DEFB110: variants seen among roughly 807,000 people sequenced by gnomAD.
The protein encoded by DEFB110 is defensin beta 110.
A neutral mutation model predicts 2.5 loss-of-function variants in DEFB110; 4 were observed. The observed-to-expected ratio is 1.60, with a 90% CI of 0.79 to 3.66. The LOEUF (loss-of-function observed/expected upper bound fraction) is 3.66, where lower values mean the gene tolerates loss of function less well. DEFB110 is among the 30% of genes most tolerant of loss of function. The pLI is 0.01. For synonymous variants in DEFB110, 29 were observed against 21.8 expected, an observed-to-expected ratio of 1.33 and a Z score of -0.92; for missense variants, 94 against 75.4, an observed-to-expected ratio of 1.25 and a Z score of -0.91.
At chr6:50,011,155 C>T (rs114109151) in intron 1 of DEFB110, among the ~76,000 whole-genome samples, 61 of 150,734 alleles carry the variant, frequency 4.0e-4, no homozygotes, top group Non-Finnish European at 7.2e-4. Flanking sequence ...AAAATTGATA[C>T]GTATCAATTT....
In DEFB110 at chr6:50,018,945, T is replaced by C. The variant is rs1774366114; in HGVS notation, c.*32A>G. 1.3e-6 allele frequency: 2 copies of C among 1,595,464 alleles called. No individual in the cohort carries two copies. Reference sequence around the variant, plus strand: ...AACTTAATAACGCTGGTCTCTCTTCTTGGAGCTTGTGACTCTTTTCTTCTG... The same window carrying C: ...AACTTAATAACGCTGGTCTCTCTTCCTGGAGCTTGTGACTCTTTTCTTCTG... On this transcript the variant is annotated 3_prime_UTR_variant, in exon 2 of 2. Coordinates refer to ENST00000371148, the MANE Select transcript of DEFB110 (RefSeq NM_001037497.2).
chr6:50,018,913 C>A lies in DEFB110; in HGVS notation c.*64G>T. On this transcript the variant is annotated 3_prime_UTR_variant, in exon 2 of 2. Coordinates refer to ENST00000371148, the MANE Select transcript of DEFB110 (RefSeq NM_001037497.2). ...AGACACACACGCCTTGAAGGATGTG[C>A]TGGGAAAACTTAATAACGCTGGTCT... The A allele has an allele frequency of 6.5e-7, 1 of 1,538,646 alleles. No homozygotes were observed. The highest frequency in any genetic ancestry group is 2.1e-5 in the Admixed American group (1 of 48,156).
chr6:50,019,546 G>A (rs1312023688), intron 1 of DEFB110, among the ~76,000 whole-genome samples: 2 of 151,932 alleles, frequency 1.3e-5, no homozygotes, highest in South Asian at 2.1e-4. Context: ...GCTTGATTTT[G>A]CTTCTCTAAA....
At chr6:50,021,832 G>A (rs781583271) in intron 1 of DEFB110, 49 bp downstream of exon 1, 7 of 1,480,946 alleles carry the variant, frequency 4.7e-6, no homozygotes, top group African/African-American at 1.5e-5. Context: ...AACAACTTAT[G>A]TCTTCTCAAA....
chr6:50,019,975 G>T (rs541998867), intron 1 of DEFB110, among the ~76,000 whole-genome samples: 1 of 151,872 alleles, frequency 6.6e-6, no homozygotes, highest in Non-Finnish European at 1.5e-5. Flanking sequence ...GAGATCATAG[G>T]GTTCATAAAA....
Position 50,009,630 on chromosome 6 carries a change from C to G in DEFB110, c.56-359G>C, listed in dbSNP as rs181158810. 3.2e-4 allele frequency among the ~76,000 whole-genome samples: 48 copies of G among 152,086 alleles called. No homozygotes were observed. The East Asian group carries it at 7.7e-3, about 24-fold the overall frequency. On this transcript the variant is annotated intron_variant, in intron 1 of 1. Coordinates refer to the DEFB110 transcript ENST00000393660. ...TTGTTATTGCAGCCAAAATATCAGC[C>G]CTTCTATAATAGTTATAATTTATTT...
intron 1 of DEFB110, among the ~76,000 whole-genome samples, chr6:50,021,242 C>T (rs1645681184): frequency 6.6e-6 from 1 of 152,058 alleles, no homozygotes; most frequent in Admixed American, 6.6e-5. Flanking sequence ...AGGGGCTGTT[C>T]CATGCATTGT....
At chr6:50,016,112 G>T (rs1165295035), downstream of DEFB110, among the ~76,000 whole-genome samples, 1 of 151,776 alleles carries the variant, frequency 6.6e-6, no homozygotes, top group Non-Finnish European at 1.5e-5. Context: ...ATTAGATTTT[G>T]TTCTTGCCCA....
intron 1 of DEFB110, among the ~76,000 whole-genome samples, chr6:50,011,606 A>G (rs1224207098): frequency 1.3e-5 from 2 of 152,060 alleles, no homozygotes; most frequent in Non-Finnish European, 2.9e-5. Flanking sequence ...AGTGGTCTCC[A>G]TGACTCAATG....
downstream of DEFB110, among the ~76,000 whole-genome samples, chr6:50,018,125 C>T (rs1008748368): frequency 6.6e-6 from 1 of 151,834 alleles, no homozygotes; most frequent in Non-Finnish European, 1.5e-5. Flanking sequence ...GCATCACTGA[C>T]ATGTTCTAGT....
At chr6:50,009,866 A>C (rs900184135) in intron 1 of DEFB110, among the ~76,000 whole-genome samples, 6 of 152,112 alleles carry the variant, frequency 3.9e-5, no homozygotes, top group African/African-American at 1.4e-4. Context: ...TTAGTATTCT[A>C]TTATAGTTTC....
In DEFB110 at chr6:50,021,113, C is replaced by A. The variant is rs534504545; in HGVS notation, c.55+768G>T. 1.4e-4 allele frequency among the ~76,000 whole-genome samples: 22 copies of A among 152,260 alleles called. 1 individual carries two copies. The highest frequency in any genetic ancestry group is 4.8e-4 in the African/African-American group (20 of 41,554). ...GCTAATCTCCTTTGCAAGCATTCAT[C>A]TCCTCATTCAAATAGTATCAATTAA... On this transcript the variant is annotated intron_variant, in intron 1 of 1. Coordinates refer to ENST00000371148, the MANE Select transcript of DEFB110 (RefSeq NM_001037497.2).
chr6:50,011,201 C>A (rs536638530), intron 1 of DEFB110, among the ~76,000 whole-genome samples: 3 of 150,606 alleles, frequency 2.0e-5, no homozygotes, highest in African/African-American at 7.3e-5. Flanking sequence ...ATATATATAT[C>A]AATATATAAA....
chr6:50,014,062 A>AAAACAGTATTTATTACTAC, downstream of DEFB110, among the ~76,000 whole-genome samples: 1 of 151,880 alleles, frequency 6.6e-6, no homozygotes, highest in Non-Finnish European at 1.5e-5. Flanking sequence ...GAGAAAGCAC[A>AAAACAGTATTTATTACTAC]TCAAAATAAG....
At chr6:50,011,855 G>A (rs1680774128) in intron 1 of DEFB110, among the ~76,000 whole-genome samples, 1 of 152,124 alleles carries the variant, frequency 6.6e-6, no homozygotes, top group African/African-American at 2.4e-5. Context: ...TGAAGTCAAG[G>A]CAGAAGCAAG....
downstream of DEFB110, among the ~76,000 whole-genome samples, chr6:50,014,530 T>C (rs1774283838): frequency 6.6e-6 from 1 of 151,806 alleles, no homozygotes; most frequent in African/African-American, 2.4e-5. Context: ...AATGGCAAAG[T>C]CATATGTGTT....
chr6:50,014,484 A>G (rs1283539390), downstream of DEFB110, among the ~76,000 whole-genome samples: 1 of 151,832 alleles, frequency 6.6e-6, no homozygotes, highest in East Asian at 1.9e-4. Flanking sequence ...AGAACCATAT[A>G]AGGTTGGTAA....
At chr6:50,014,545 C>T (rs1322199745), downstream of DEFB110, among the ~76,000 whole-genome samples, 1 of 151,658 alleles carries the variant, frequency 6.6e-6, no homozygotes, top group Non-Finnish European at 1.5e-5. Flanking sequence ...TGTGTTCAAA[C>T]ATATAAGAAG....
rs752979267 is a variant in DEFB110, at chr6:50,021,950, T to C, written c.-15A>G. 1.3e-6 allele frequency: 2 copies of C among 1,535,940 alleles called. No individual in the cohort carries two copies. The highest frequency in any genetic ancestry group is 8.7e-7 in the Non-Finnish European group (1 of 1,151,314). On this transcript the variant is annotated 5_prime_UTR_variant, in exon 1 of 2. Coordinates refer to ENST00000371148, the MANE Select transcript of DEFB110 (RefSeq NM_001037497.2). ...TGAATCTTCATGGTAGAGAGTTTCTTAAAAAAAGGGGGCAACAGACCTCCT... is the reference window on the plus strand; with the variant it reads ...TGAATCTTCATGGTAGAGAGTTTCTCAAAAAAAGGGGGCAACAGACCTCCT...
Sources: gnomAD v4.1 joint callset for allele counts (sites outside exome capture counted in the v4.1 genomes callset) on GRCh38, gnomAD v4.1.1 for gene constraint, MANE v1.5 for transcripts, NCBI Gene and HGNC (gene_info 2026-07-23, HGNC 2026-07-21) for gene names.